CFAP91: variants seen among roughly 807,000 people sequenced by gnomAD.
The protein encoded by CFAP91 is cilia- and flagella-associated protein 91.
Under a neutral mutation model 95.9 loss-of-function variants are expected in CFAP91, and 85 were observed. That is an observed-to-expected ratio of 0.89 (90% CI 0.74 to 1.06). CFAP91 has a LOEUF of 1.06. Among genes scored for constraint, CFAP91 ranks in the 50% least tolerant of loss-of-function variants. The probability of loss-of-function intolerance (pLI) is 0.00; values close to 1 mark genes in which losing one functional copy is unlikely to be tolerated. For synonymous variants in CFAP91, 335 were observed against 327.5 expected (o/e 1.02, Z -0.25); for missense variants, 962 against 943.4 (o/e 1.02, Z -0.26).
At chr3:119,750,830 T>C in intron 16 of CFAP91, 107 bp from the exon 17 acceptor site, 1 of 1,298,896 alleles carries the variant, frequency 7.7e-7, no homozygotes, top group Non-Finnish European at 1.1e-6. Context: ...TGGGTTGGGT[T>C]TTACCTTTAA....
chr3:119,759,517 T>C (rs2054494704), intron 17 of CFAP91, among the ~76,000 whole-genome samples: 1 of 151,964 alleles, frequency 6.6e-6, no homozygotes. Context: ...TGTCATATTC[T>C]ACAGTTGAAA....
chr3:119,761,793 A>G (rs1348224814), intron 17 of CFAP91, among the ~76,000 whole-genome samples: 1 of 151,900 alleles, frequency 6.6e-6, no homozygotes, highest in Non-Finnish European at 1.5e-5. Context: ...ATATTCTTTC[A>G]TGACAAAAAA....
At chr3:119,747,959 A>G (rs779695664) in intron 16 of CFAP91, 57 bp downstream of exon 16, 57 of 1,305,400 alleles carry the variant, frequency 4.4e-5, no homozygotes, top group Non-Finnish European at 5.8e-5. Flanking sequence ...ATTATTTTCA[A>G]TATCCCAGAG....
intron 5 of CFAP91, among the ~76,000 whole-genome samples, chr3:119,713,648 AAAG>A (rs1399068822): frequency 6.6e-6 from 1 of 152,060 alleles, no homozygotes; most frequent in Non-Finnish European, 1.5e-5. Context: ...ACATGTTAAA[AAAG>A]AAGATTCAGA....
chr3:119,734,246 C>G (rs770249843), intron 10 of CFAP91, among the ~76,000 whole-genome samples: 1 of 152,170 alleles, frequency 6.6e-6, no homozygotes, highest in Non-Finnish European at 1.5e-5. Context: ...ATCACTGGCC[C>G]ATGCATGCTT....
intron 5 of CFAP91, among the ~76,000 whole-genome samples, chr3:119,714,449 A>T (rs1559748828): frequency 1.3e-5 from 2 of 151,858 alleles, no homozygotes. Flanking sequence ...TTGTATTTCC[A>T]TCAACAGTTT....
At chr3:119,706,739 T>G in intron 1 of CFAP91, 70 bp from the exon 2 acceptor site, 1 of 1,144,796 alleles carries the variant, frequency 8.7e-7, no homozygotes, top group Non-Finnish European at 1.3e-6. Context: ...ATTACATTAC[T>G]TTGCCATTAT....
intron 8 of CFAP91, among the ~76,000 whole-genome samples, chr3:119,731,993 T>C (rs1289263182): frequency 6.6e-6 from 1 of 152,246 alleles, no homozygotes; most frequent in Non-Finnish European, 1.5e-5. Context: ...TAACAAACTT[T>C]TACTGAATAC....
intron 5 of CFAP91, among the ~76,000 whole-genome samples, chr3:119,712,800 C>G (rs939068436): frequency 5.9e-5 from 9 of 151,866 alleles, no homozygotes; most frequent in African/African-American, 2.2e-4. Flanking sequence ...ACTAAAAATA[C>G]AAAAATTAGC....
chr3:119,753,396 C>T (rs9810210), intron 17 of CFAP91, among the ~76,000 whole-genome samples: 1 of 152,160 alleles, frequency 6.6e-6, no homozygotes, highest in Non-Finnish European at 1.5e-5. Flanking sequence ...TTCTAATCAT[C>T]TGAGTGATTT....
Position 119,751,081 on chromosome 3 carries a change from A to G in CFAP91, c.2288A>G (p.Asn763Ser). 2 of 1,606,878 alleles carry G rather than the reference A, an allele frequency of 1.2e-6. No individual in the cohort carries two copies. The highest frequency in any genetic ancestry group is 1.7e-6 in the Non-Finnish European group (2 of 1,177,732). Residue 763 changes from asparagine (N) to serine (S), a missense_variant, in exon 17 of 18, where the codon AAT becomes AGT. Transcript: ENST00000273390. ...ATGTTACTTGAGAAAGAAACTCAAA[A>G]TGAGAACAACAGCTAAGGTGAGTTT... ...AAMLLEKETQ[N>S]ENNS is the part of the protein sequence containing the mutation.
chr3:119,736,012 T>C (rs1168107196), intron 10 of CFAP91, among the ~76,000 whole-genome samples: 2 of 152,046 alleles, frequency 1.3e-5, no homozygotes, highest in Non-Finnish European at 2.9e-5. Flanking sequence ...CTGCTGGCCA[T>C]GAATTCCTTC....
chr3:119,761,555 G>A (rs1207773740), intron 17 of CFAP91, among the ~76,000 whole-genome samples: 3 of 151,670 alleles, frequency 2.0e-5, no homozygotes, highest in Admixed American at 1.3e-4. Flanking sequence ...AAAATTACAG[G>A]CCAATATCCC....
chr3:119,731,100 T>C (rs1577221143), intron 8 of CFAP91, among the ~76,000 whole-genome samples: 1 of 152,136 alleles, frequency 6.6e-6, no homozygotes, highest in East Asian at 1.9e-4. Flanking sequence ...CAGCCTGATG[T>C]AATGGTACAC....
chr3:119,719,499 A>T (rs2053641387), intron 6 of CFAP91, among the ~76,000 whole-genome samples: 1 of 152,234 alleles, frequency 6.6e-6, no homozygotes, highest in Admixed American at 6.5e-5. Flanking sequence ...AGTGCTTATG[A>T]TGTGTCAAGA....
intron 5 of CFAP91, among the ~76,000 whole-genome samples, chr3:119,710,922 C>A (rs1247175969): frequency 1.3e-5 from 2 of 151,442 alleles, no homozygotes; most frequent in African/African-American, 4.9e-5. Flanking sequence ...CTTTAAAAAT[C>A]TAATTTTTGC....
At chr3:119,758,056 T>G (rs918082474) in intron 17 of CFAP91, among the ~76,000 whole-genome samples, 9 of 152,156 alleles carry the variant, frequency 5.9e-5, no homozygotes, top group Admixed American at 2.0e-4. Context: ...AGTTTGTTTG[T>G]TTGGTTGGTT....
intron 2 of CFAP91, 104 bp from the exon 3 acceptor site, chr3:119,707,300 T>G (rs1191586835): frequency 1.1e-6 from 1 of 873,970 alleles, no homozygotes; most frequent in African/African-American, 1.7e-5. Flanking sequence ...TTATGCTGTA[T>G]ACATTGTTTT....
rs2053784082 is a variant in CFAP91 at position 119,726,360 on chromosome 3, A to G, written c.860+12A>G. 2 of 1,603,824 alleles carry G rather than the reference A, an allele frequency of 1.2e-6. No individual in the cohort carries two copies. Among genetic ancestry groups the G allele is most frequent in the South Asian group, 1.1e-5 (1 of 89,040 alleles). ...CAGGAGATTGAAAAGTAGGTTCTCT[A>G]TCACCCAGACAACTGTTCCTGCACT... On this transcript the variant is annotated intron_variant, in intron 7 of 17. Transcript: ENST00000273390.
Sources: allele counts gnomAD v4.1 joint callset (sites outside exome capture counted in the v4.1 genomes callset), GRCh38; gene constraint gnomAD v4.1.1; transcripts MANE v1.5; gene names NCBI Gene and HGNC (gene_info 2026-07-23, HGNC 2026-07-21).